Variants in GRID2 observed in about 807,000 individuals in gnomAD.
GRID2 encodes glutamate ionotropic receptor delta type subunit 2, also known as glutamate receptor ionotropic, delta-2.
In GRID2, 33 loss-of-function variants were observed where a neutral mutation model predicts 114.8. The observed-to-expected ratio is 0.29, with a 90% CI of 0.22 to 0.38. The LOEUF (loss-of-function observed/expected upper bound fraction) is 0.38, where lower values mean the gene tolerates loss of function less well. GRID2 is among the 10% of genes least tolerant of loss of function. The probability of loss-of-function intolerance (pLI) is 1.00; values close to 1 mark genes in which losing one functional copy is unlikely to be tolerated. For synonymous variants in GRID2, 505 were observed against 449.9 expected, an observed-to-expected ratio of 1.12 and a Z score of -1.55; for missense variants, 1,184 against 1,257.7, an observed-to-expected ratio of 0.94 and a Z score of 0.89.
chr4:93,502,321 A>G (rs1236978686), intron 12 of GRID2, among the ~76,000 whole-genome samples: 2 of 152,056 alleles, frequency 1.3e-5, no homozygotes, highest in African/African-American at 4.8e-5. Context: ...TTTGCTCCAC[A>G]GTTTGAATGA....
chr4:93,477,492 G>T (rs757603105), intron 11 of GRID2, among the ~76,000 whole-genome samples: 1 of 151,972 alleles, frequency 6.6e-6, no homozygotes, highest in Non-Finnish European at 1.5e-5. Flanking sequence ...CAAGCCTTTC[G>T]ACCAAAACAT....
rs370360423 is a variant in GRID2, at chr4:92,921,477, T to A, written c.245-163518T>A. The stretch of plus-strand genomic sequence containing the variant: ...GCTGTTTTTTCCTCATCTTTGTGGT[T>A]TTATCTACCTTTGGTCTTTGATCAT... On this transcript the variant is annotated intron_variant, in intron 2 of 15. Transcript: ENST00000282020. Among the ~76,000 whole-genome samples, 25 of 152,262 alleles carry A rather than the reference T, an allele frequency of 1.6e-4. No homozygotes were observed. In the East Asian group the frequency reaches 4.3e-3, roughly 26 times the overall value.
chr4:93,574,630 A>G (rs985810719), intron 13 of GRID2, among the ~76,000 whole-genome samples: 8 of 152,134 alleles, frequency 5.3e-5, no homozygotes, highest in Non-Finnish European at 7.4e-5. Flanking sequence ...TCACTATCAC[A>G]AGAACAACAC....
intron 1 of GRID2, among the ~76,000 whole-genome samples, chr4:92,481,912 C>T (rs1415580483): frequency 7.2e-6 from 1 of 139,714 alleles, no homozygotes; most frequent in African/African-American, 2.6e-5. Flanking sequence ...CATTACTGCA[C>T]TATTCATTAT....
At chr4:92,983,870 A>C (rs1299350917) in intron 2 of GRID2, among the ~76,000 whole-genome samples, 1 of 152,122 alleles carries the variant, frequency 6.6e-6, no homozygotes, top group African/African-American at 2.4e-5. Context: ...GTCAATGCTA[A>C]GGGGGTTCTT....
chr4:92,579,073 G>A (rs758255004), intron 1 of GRID2, among the ~76,000 whole-genome samples: 6 of 151,938 alleles, frequency 3.9e-5, no homozygotes, highest in Non-Finnish European at 5.9e-5. Flanking sequence ...AGAAGATCCC[G>A]AGAAATCTCC....
At chr4:92,911,361 G>A (rs1415139159) in intron 2 of GRID2, among the ~76,000 whole-genome samples, 1 of 151,838 alleles carries the variant, frequency 6.6e-6, no homozygotes, top group Non-Finnish European at 1.5e-5. Flanking sequence ...GAATTTAGAG[G>A]GGCATTTATA....
chr4:93,798,025 C>G (rs1419592014), intron 1 of GRID2, among the ~76,000 whole-genome samples: 2 of 151,876 alleles, frequency 1.3e-5, no homozygotes, highest in Non-Finnish European at 2.9e-5. Flanking sequence ...TGGTGGCATG[C>G]ACCTGTACTC....
chr4:93,220,193 A>C (rs1223616169), intron 6 of GRID2, among the ~76,000 whole-genome samples: 1 of 152,086 alleles, frequency 6.6e-6, no homozygotes, highest in Non-Finnish European at 1.5e-5. Flanking sequence ...CAGATAAGAC[A>C]ACAGGGCTTC....
chr4:92,992,947 A>G (rs1409473438), intron 2 of GRID2, among the ~76,000 whole-genome samples: 1 of 152,050 alleles, frequency 6.6e-6, no homozygotes, highest in Non-Finnish European at 1.5e-5. Flanking sequence ...TCTAGCAGTA[A>G]TAAAACTCTT....
In GRID2 at chr4:92,713,476, C is replaced by CATATATATATATATATAT. The variant is rs10593127; in HGVS notation, c.244+123215_244+123232dup. Among the ~76,000 whole-genome samples the CATATATATATATATATAT allele has an allele frequency of 1.3e-4, 7 of 54,062 alleles. 1 individual carries two copies. The highest frequency in any genetic ancestry group is 4.8e-4 in the Admixed American group (2 of 4,194). 35.5% of individuals were successfully genotyped at this position (54,062 alleles called of 152,430 possible). A position where few individuals can be genotyped will look rare whatever the true frequency, so the allele number is the denominator to read the frequency against. On this transcript the variant is annotated intron_variant, in intron 2 of 15. Transcript: ENST00000282020. ...TTACATATATTTACATATACATATA[C>CATATATATATATATATAT]ATATATATATATATATATATATATA...
intron 2 of GRID2, among the ~76,000 whole-genome samples, chr4:92,751,334 A>T (rs1737445757): frequency 6.6e-6 from 1 of 152,156 alleles, no homozygotes; most frequent in African/African-American, 2.4e-5. Context: ...AATAAAAAAT[A>T]GCCATCTTTC....
At chr4:92,725,582 T>G (rs1486152040) in intron 2 of GRID2, among the ~76,000 whole-genome samples, 1 of 152,160 alleles carries the variant, frequency 6.6e-6, no homozygotes, top group Non-Finnish European at 1.5e-5. Context: ...TTAGATCTTA[T>G]TTTGTCAAGG....
chr4:93,615,732 C>T (rs781626857), intron 13 of GRID2, among the ~76,000 whole-genome samples: 2 of 145,910 alleles, frequency 1.4e-5, no homozygotes, highest in South Asian at 2.1e-4. Flanking sequence ...TTTATTGTTT[C>T]GTAGTAAAAA....
At chr4:93,782,106 A>G (rs894717931) in intron 1 of GRID2, among the ~76,000 whole-genome samples, 2 of 152,258 alleles carry the variant, frequency 1.3e-5, no homozygotes, top group Admixed American at 6.5e-5. Flanking sequence ...CATGTTTCCC[A>G]CATGGCGAAT....
chr4:92,989,109 CT>C (rs1301498326), intron 2 of GRID2, among the ~76,000 whole-genome samples: 2 of 151,638 alleles, frequency 1.3e-5, no homozygotes, highest in Non-Finnish European at 2.9e-5. Flanking sequence ...AACCCCATCT[CT>C]ACTAAAAATA....
chr4:92,961,250 C>T (rs147219157), intron 2 of GRID2, among the ~76,000 whole-genome samples: 25 of 151,874 alleles, frequency 1.6e-4, no homozygotes, highest in African/African-American at 6.0e-4. Flanking sequence ...TTTACTTTCA[C>T]TTACTCATTT....
At chr4:92,553,335 G>C (rs1363419193) in intron 1 of GRID2, among the ~76,000 whole-genome samples, 1 of 152,080 alleles carries the variant, frequency 6.6e-6, no homozygotes, top group Non-Finnish European at 1.5e-5. Flanking sequence ...CATAGGAAAG[G>C]ATAATTCATA....
At chr4:93,098,989 CTGTG>C (rs71579585) in intron 3 of GRID2, among the ~76,000 whole-genome samples, 8,340 of 138,910 alleles carry the variant, frequency 0.06, 268 homozygotes, top group East Asian at 0.11. Flanking sequence ...AGATCATTTC[CTGTG>C]TGTGTGTGTG....
Sources: gnomAD v4.1 joint callset for allele counts (sites outside exome capture counted in the v4.1 genomes callset) on GRCh38, gnomAD v4.1.1 for gene constraint, MANE v1.5 for transcripts, NCBI Gene and HGNC (gene_info 2026-07-23, HGNC 2026-07-21) for gene names.